The following GABRB1 variants were observed in gnomAD, a reference collection of about 807,000 sequenced individuals.
GABRB1 encodes the protein gamma-aminobutyric acid receptor subunit beta-1.
Under a neutral mutation model 51.6 loss-of-function variants are expected in GABRB1, and 17 were observed. That is an observed-to-expected ratio of 0.33 (90% CI 0.23 to 0.49). The LOEUF is 0.49. Ranked by LOEUF, GABRB1 falls within the 20% of genes least tolerant of loss-of-function variation. GABRB1 has a pLI of 0.99. For missense variants in GABRB1, 410 were observed against 600.6 expected (o/e 0.68, Z 3.32); for synonymous variants, 247 against 218.9 (o/e 1.13, Z -1.14).
At chr4:47,170,733 A>G (rs1464950794) in intron 4 of GABRB1, among the ~76,000 whole-genome samples, 3 of 152,186 alleles carry the variant, frequency 2.0e-5, no homozygotes, top group African/African-American at 4.8e-5. Context: ...GAAACCTGCT[A>G]TTTCAAATGG....
intron 5 of GABRB1, among the ~76,000 whole-genome samples, chr4:47,396,689 A>C (rs1372247550): frequency 6.6e-6 from 1 of 152,192 alleles, no homozygotes; most frequent in Non-Finnish European, 1.5e-5. Flanking sequence ...ATGATTTCTT[A>C]AAATAGGAGT....
chr4:47,078,016 T>C (rs1377982426), intron 3 of GABRB1, among the ~76,000 whole-genome samples: 14 of 140,472 alleles, frequency 1.0e-4, no homozygotes, highest in African/African-American at 3.2e-4. Flanking sequence ...TGGGAAGGAG[T>C]TTTGCTCTTA....
At chr4:47,290,384 T>G (rs1250012115) in intron 4 of GABRB1, among the ~76,000 whole-genome samples, 1 of 152,162 alleles carries the variant, frequency 6.6e-6, no homozygotes, top group Admixed American at 6.5e-5. Flanking sequence ...CTCCACCACA[T>G]GGAAATGTAA....
chr4:47,274,361 A>T (rs1722991948), intron 4 of GABRB1, among the ~76,000 whole-genome samples: 1 of 152,194 alleles, frequency 6.6e-6, no homozygotes, highest in Admixed American at 6.5e-5. Flanking sequence ...ACTTCAGTCA[A>T]TATAAGAATT....
chr4:47,357,764 G>A (rs550808571), intron 5 of GABRB1, among the ~76,000 whole-genome samples: 2 of 152,208 alleles, frequency 1.3e-5, no homozygotes, highest in South Asian at 4.1e-4. Context: ...ATTTATTTTG[G>A]CAATGGTTCT....
intron 5 of GABRB1, among the ~76,000 whole-genome samples, chr4:47,380,826 A>G (rs1424182883): frequency 6.6e-6 from 1 of 152,168 alleles, no homozygotes; most frequent in Non-Finnish European, 1.5e-5. Context: ...ATAAAGATAA[A>G]ATGGGTAAGA....
intron 4 of GABRB1, among the ~76,000 whole-genome samples, chr4:47,199,544 C>T (rs1719817913): frequency 6.6e-6 from 1 of 151,966 alleles, no homozygotes. Flanking sequence ...CCAGCAGCAA[C>T]GTTGTTGGCT....
intron 5 of GABRB1, among the ~76,000 whole-genome samples, chr4:47,366,029 T>A (rs1726968735): frequency 6.6e-6 from 1 of 152,214 alleles, no homozygotes; most frequent in Non-Finnish European, 1.5e-5. Context: ...GGACCCTGAT[T>A]GACACAGTAG....
intron 1 of GABRB1, among the ~76,000 whole-genome samples, chr4:47,019,941 T>TATACGTATAC (rs1560498426): frequency 2.0e-5 from 3 of 146,588 alleles, no homozygotes; most frequent in South Asian, 2.2e-4. Flanking sequence ...TATACGTATA[T>TATACGTATAC]GTATATGTAT....
At chr4:46,998,632 G>A (rs1724079393) in intron 1 of GABRB1, among the ~76,000 whole-genome samples, 1 of 151,590 alleles carries the variant, frequency 6.6e-6, no homozygotes, top group South Asian at 2.1e-4. Flanking sequence ...TACTCGGGAG[G>A]CTGAGGCAGG....
At chr4:47,406,575 C>T in intron 7 of GABRB1, 107 bp from the exon 8 acceptor site, 1 of 1,386,402 alleles carries the variant, frequency 7.2e-7, no homozygotes, top group East Asian at 2.3e-5. Context: ...ACTGTGATCA[C>T]TCAGGGGCAC....
At chr4:47,191,357 C>T (rs1719434808) in intron 4 of GABRB1, among the ~76,000 whole-genome samples, 1 of 152,102 alleles carries the variant, frequency 6.6e-6, no homozygotes, top group Non-Finnish European at 1.5e-5. Flanking sequence ...ACAATCCCCT[C>T]AGAAATGACC....
At chr4:47,350,618 A>G (rs2033206098) in intron 5 of GABRB1, among the ~76,000 whole-genome samples, 1 of 152,112 alleles carries the variant, frequency 6.6e-6, no homozygotes, top group African/African-American at 2.4e-5. Context: ...ATATTATATC[A>G]AGATAGAAAA....
chr4:47,106,335 T>C (rs1448810704), intron 3 of GABRB1, among the ~76,000 whole-genome samples: 2 of 152,020 alleles, frequency 1.3e-5, no homozygotes, highest in Non-Finnish European at 2.9e-5. Context: ...AGAAGCAGGG[T>C]AGGAATTTCT....
chr4:47,263,363 T>C (rs1183868696), intron 4 of GABRB1, among the ~76,000 whole-genome samples: 1 of 152,034 alleles, frequency 6.6e-6, no homozygotes, highest in African/African-American at 2.4e-5. Flanking sequence ...CCACCTTTTC[T>C]GTAACACACA....
intron 4 of GABRB1, among the ~76,000 whole-genome samples, chr4:47,178,596 A>G (rs920492368): frequency 2.0e-5 from 3 of 152,174 alleles, no homozygotes; most frequent in African/African-American, 7.2e-5. Context: ...GTGTCACAGG[A>G]TAATTCTGTA....
chr4:47,359,142 G>A (rs1382465530), intron 5 of GABRB1, among the ~76,000 whole-genome samples: 1 of 152,118 alleles, frequency 6.6e-6, no homozygotes, highest in African/African-American at 2.4e-5. Flanking sequence ...AAGTGAAATG[G>A]CTTCTCAAAA....
chr4:47,059,205 G>C (rs142887355), intron 3 of GABRB1, among the ~76,000 whole-genome samples: 50 of 152,278 alleles, frequency 3.3e-4, no homozygotes, highest in African/African-American at 1.1e-3. Context: ...ATAACTTTCT[G>C]ATCATTCCAC....
intron 8 of GABRB1, among the ~76,000 whole-genome samples, 170 bp downstream of exon 8, chr4:47,407,096 T>C (rs1446780375): frequency 3.9e-5 from 6 of 152,230 alleles, no homozygotes; most frequent in East Asian, 1.9e-4. Context: ...GAAGTTAGAT[T>C]GAGGGTTATA....
Sources: allele counts gnomAD v4.1 joint callset (sites outside exome capture counted in the v4.1 genomes callset), GRCh38; gene constraint gnomAD v4.1.1; transcripts MANE v1.5; gene names NCBI Gene and HGNC (gene_info 2026-07-23, HGNC 2026-07-21).